The following SNTB1 variants were observed in gnomAD, a reference collection of about 807,000 sequenced individuals.
SNTB1 encodes beta-1-syntrophin.
SNTB1 carries 36 observed loss-of-function variants against 48.9 expected under a neutral mutation model. The observed-to-expected ratio is 0.74, with a 90% confidence interval of 0.56 to 0.97. The LOEUF (loss-of-function observed/expected upper bound fraction) is 0.97. Ranked by LOEUF, SNTB1 falls within the 50% of genes least tolerant of loss-of-function variation. SNTB1 has a pLI of 0.00. For synonymous variants in SNTB1, 299 were observed against 294.6 expected (o/e 1.01, Z -0.15); for missense variants, 786 against 703.4 (o/e 1.12, Z -1.33).
In SNTB1 at chr8:120,541,992, A is replaced by G; in HGVS notation, c.1342T>C (p.Tyr448His). 6.2e-7 allele frequency: 1 copy of G among 1,613,312 alleles called. No individual in the cohort carries two copies. The highest frequency in any genetic ancestry group is 1.1e-5 in the South Asian group (1 of 90,910). ...GTCAAACGGCACTCCTGGTTTTTGT[A>G]GGTGCAAGCTGAGAGAGAAAGAGAG... ...LIAEISTACTYKNQECRLTIH... is the reference protein window; with the variant it reads ...LIAEISTACTHKNQECRLTIH... The change falls in exon 6 of 7, where the codon TAC (tyrosine) becomes CAC (histidine). Residue 448 changes from tyrosine (Y) to histidine (H), a missense_variant. Tyr to His is a moderately conservative substitution (Grantham distance 83). Transcript: ENST00000517992.
chr8:120,603,347 G>A (rs867674563), intron 3 of SNTB1, among the ~76,000 whole-genome samples: 18 of 152,138 alleles, frequency 1.2e-4, no homozygotes, highest in African/African-American at 2.4e-5. Context: ...TGATCCACCC[G>A]CCTTGGCCTC....
At chr8:120,799,412 T>C (rs1022811217) in intron 1 of SNTB1, among the ~76,000 whole-genome samples, 1 of 151,876 alleles carries the variant, frequency 6.6e-6, no homozygotes, top group African/African-American at 2.4e-5. Flanking sequence ...ACTATTATAA[T>C]ATGCTCAGAC....
At chr8:120,627,187 G>A (rs188482809) in intron 3 of SNTB1, among the ~76,000 whole-genome samples, 108 of 152,312 alleles carry the variant, frequency 7.1e-4, no homozygotes, top group Non-Finnish European at 1.3e-3. Context: ...TGGGATTTGT[G>A]AACTGAAGAC....
intron 1 of SNTB1, among the ~76,000 whole-genome samples, chr8:120,704,885 C>G (rs761525943): frequency 6.6e-6 from 1 of 152,146 alleles, no homozygotes; most frequent in Non-Finnish European, 1.5e-5. Flanking sequence ...ACATGTAGGA[C>G]AGGGAGAACT....
intron 2 of SNTB1, among the ~76,000 whole-genome samples, chr8:120,649,004 GT>G: frequency 6.7e-6 from 1 of 149,252 alleles, no homozygotes; most frequent in South Asian, 2.2e-4. Flanking sequence ...TCGAGCCTTG[GT>G]TTTCAGCTCC....
At chr8:120,660,696 G>A (rs1482716103) in intron 2 of SNTB1, among the ~76,000 whole-genome samples, 3 of 152,226 alleles carry the variant, frequency 2.0e-5, no homozygotes, top group Non-Finnish European at 4.4e-5. Context: ...GGCACAAGAA[G>A]CCTAACTTTC....
chr8:120,627,915 T>C (rs979600376), intron 3 of SNTB1, among the ~76,000 whole-genome samples: 1 of 152,190 alleles, frequency 6.6e-6, no homozygotes, highest in African/African-American at 2.4e-5. Flanking sequence ...CTTAGAAAAG[T>C]GACTCAAATA....
chr8:120,638,005 C>T (rs889493926), intron 2 of SNTB1: 1 of 179,962 alleles, frequency 5.6e-6, no homozygotes, highest in African/African-American at 2.4e-5. Flanking sequence ...ATTATTAACA[C>T]CAACAGTAAC....
chr8:120,675,169 G>A (rs1310177771), intron 2 of SNTB1, among the ~76,000 whole-genome samples: 1 of 152,156 alleles, frequency 6.6e-6, no homozygotes, highest in African/African-American at 2.4e-5. Context: ...TCATTCACTT[G>A]GATGGCTTCA....
chr8:120,610,352 G>C (rs1468124448), intron 3 of SNTB1, among the ~76,000 whole-genome samples: 1 of 152,088 alleles, frequency 6.6e-6, no homozygotes, highest in African/African-American at 2.4e-5. Flanking sequence ...GGCCAGTCTG[G>C]TCTCGAACTC....
chr8:120,568,710 A>AGAAT (rs1815793563), intron 4 of SNTB1, among the ~76,000 whole-genome samples: 1 of 152,214 alleles, frequency 6.6e-6, no homozygotes, highest in Non-Finnish European at 1.5e-5. Context: ...GGATAGAGTG[A>AGAAT]GAATGAATAG....
At chr8:120,684,739 C>A (rs1242037715) in intron 2 of SNTB1, among the ~76,000 whole-genome samples, 1 of 151,408 alleles carries the variant, frequency 6.6e-6, no homozygotes, top group Non-Finnish European at 1.5e-5. Context: ...ACTGCAACCT[C>A]TGCCTCCTGG....
intron 1 of SNTB1, among the ~76,000 whole-genome samples, chr8:120,702,364 G>T (rs569009081): frequency 1.1e-4 from 17 of 152,280 alleles, no homozygotes; most frequent in African/African-American, 3.8e-4. Context: ...TAGCTGACTT[G>T]TTCTGCACAG....
At chr8:120,550,457 G>C (rs1329603973) in intron 4 of SNTB1, among the ~76,000 whole-genome samples, 4 of 151,432 alleles carry the variant, frequency 2.6e-5, no homozygotes, top group African/African-American at 9.7e-5. Flanking sequence ...CAGGAGAATG[G>C]CCTGAATCTG....
intron 2 of SNTB1, among the ~76,000 whole-genome samples, chr8:120,675,982 A>G (rs1359091559): frequency 6.6e-6 from 1 of 152,200 alleles, no homozygotes; most frequent in Non-Finnish European, 1.5e-5. Context: ...GCTTAAAGAT[A>G]TATCCACCTT....
Position 120,693,915 on chromosome 8 carries a change from G to A in SNTB1, c.572-7C>T. The A allele has an allele frequency of 1.2e-6, 2 of 1,608,286 alleles. No homozygotes were observed. Among genetic ancestry groups the A allele is most frequent in the Non-Finnish European group, 1.7e-6 (2 of 1,175,416 alleles). On this transcript the variant is annotated splice_region_variant and splice_polypyrimidine_tract_variant and intron_variant, in intron 1 of 6. Transcript: ENST00000517992. ...GCTTCTCGCATGTACTTCACTGCAAGGAAAAAGACAACAAGTGCTTTTAAT... is the reference window on the plus strand; with the variant it reads ...GCTTCTCGCATGTACTTCACTGCAAAGAAAAAGACAACAAGTGCTTTTAAT...
chr8:120,578,430 C>T (rs1214653866), intron 3 of SNTB1, among the ~76,000 whole-genome samples: 1 of 152,116 alleles, frequency 6.6e-6, no homozygotes, highest in Non-Finnish European at 1.5e-5. Flanking sequence ...TCCAGCTTTC[C>T]TGGCACCCAA....
chr8:120,646,954 G>A (rs1362111726), intron 2 of SNTB1, among the ~76,000 whole-genome samples: 1 of 151,954 alleles, frequency 6.6e-6, no homozygotes, highest in African/African-American at 2.4e-5. Context: ...TATTTGCGTA[G>A]AGGTGTTTGT....
At chr8:120,543,897 T>C (rs1815333797) in intron 5 of SNTB1, among the ~76,000 whole-genome samples, 1 of 152,050 alleles carries the variant, frequency 6.6e-6, no homozygotes, top group African/African-American at 2.4e-5. Flanking sequence ...CATTCAAGGA[T>C]GTCTAAGGAC....
Sources: gnomAD v4.1 joint callset for allele counts (sites outside exome capture counted in the v4.1 genomes callset) on GRCh38, gnomAD v4.1.1 for gene constraint, MANE v1.5 for transcripts, NCBI Gene and HGNC (gene_info 2026-07-23, HGNC 2026-07-21) for gene names.